The following CSGALNACT1 variants were observed in gnomAD, a reference collection of about 807,000 sequenced individuals.
The protein encoded by CSGALNACT1 is beta4GalNAcT-1.
Under a neutral mutation model 51.0 loss-of-function variants are expected in CSGALNACT1, and 52 were observed. That is an observed-to-expected ratio of 1.02 (90% CI 0.82 to 1.29). The LOEUF (loss-of-function observed/expected upper bound fraction) is 1.29, where lower values mean the gene tolerates loss of function less well. Ranked by LOEUF, CSGALNACT1 falls within the 50% of genes most tolerant of loss-of-function variation. The probability of loss-of-function intolerance (pLI) is 0.00; values close to 1 mark genes in which losing one functional copy is unlikely to be tolerated. For missense variants in CSGALNACT1, 935 were observed against 679.2 expected (o/e 1.38, Z -4.19); for synonymous variants, 341 against 254.4 (o/e 1.34, Z -3.24).
chr8:19,500,221 G>GA (rs2076181325), intron 4 of CSGALNACT1, among the ~76,000 whole-genome samples: 1 of 152,076 alleles, frequency 6.6e-6, no homozygotes, highest in East Asian at 1.9e-4. Flanking sequence ...CCCCGGTTCT[G>GA]CCACCCTTGC....
intron 4 of CSGALNACT1, 108 bp downstream of exon 3, chr8:19,505,093 A>G (rs1414581699): frequency 2.4e-6 from 3 of 1,247,052 alleles, no homozygotes; most frequent in Non-Finnish European, 3.5e-6. Context: ...ACTTTCCGCC[A>G]GCCATCCCAG....
intron 2 of CSGALNACT1, among the ~76,000 whole-genome samples, chr8:19,597,889 G>T (rs1339441594): frequency 6.6e-6 from 1 of 152,222 alleles, no homozygotes; most frequent in Non-Finnish European, 1.5e-5. Flanking sequence ...TGGCCAAAGG[G>T]CAAACATCTA....
chr8:19,641,699 TA>T (rs1346024081), intron 1 of CSGALNACT1: 1 of 152,166 alleles, frequency 6.6e-6, no homozygotes, highest in African/African-American at 2.4e-5. Context: ...AAGACTGCCT[TA>T]AATGCATTTA....
intron 3 of CSGALNACT1, among the ~76,000 whole-genome samples, chr8:19,536,135 T>C (rs2083677905): frequency 6.6e-6 from 1 of 152,172 alleles, no homozygotes; most frequent in Non-Finnish European, 1.5e-5. Context: ...GGATATAAGA[T>C]CAATATATGA....
At chr8:19,527,689 A>G (rs1225177752) in intron 3 of CSGALNACT1, among the ~76,000 whole-genome samples, 1 of 152,164 alleles carries the variant, frequency 6.6e-6, no homozygotes, top group Admixed American at 6.5e-5. Context: ...ACGCATGAGA[A>G]CCACGCAGGC....
intron 3 of CSGALNACT1, among the ~76,000 whole-genome samples, chr8:19,577,524 G>A (rs1014307859): frequency 1.3e-5 from 2 of 150,610 alleles, no homozygotes; most frequent in African/African-American, 4.9e-5. Context: ...TTGCATTACC[G>A]CACTCCAGCC....
At chr8:19,626,354 C>T (rs148437621) in intron 1 of CSGALNACT1, among the ~76,000 whole-genome samples, 1 of 151,894 alleles carries the variant, frequency 6.6e-6, no homozygotes, top group Admixed American at 6.6e-5. Context: ...GAAATGGTGT[C>T]GGAACAACTG....
At chr8:19,518,875 G>A (rs2080082225) in intron 3 of CSGALNACT1, among the ~76,000 whole-genome samples, 1 of 152,180 alleles carries the variant, frequency 6.6e-6, no homozygotes, top group African/African-American at 2.4e-5. Context: ...GAAGGCTAAG[G>A]TGGCTCCATT....
intron 1 of CSGALNACT1, among the ~76,000 whole-genome samples, chr8:19,689,643 G>C (rs1167245066): frequency 6.6e-6 from 1 of 152,154 alleles, no homozygotes; most frequent in African/African-American, 2.4e-5. Context: ...TTTATAGGAG[G>C]CCATTGATTT....
intron 3 of CSGALNACT1, among the ~76,000 whole-genome samples, chr8:19,573,853 G>A (rs140790782): frequency 6.6e-6 from 1 of 152,302 alleles, no homozygotes; most frequent in African/African-American, 2.4e-5. Flanking sequence ...GCAGGTAGAA[G>A]AAAAGGAGTA....
intron 3 of CSGALNACT1, among the ~76,000 whole-genome samples, chr8:19,551,969 A>C (rs2088226500): frequency 6.6e-6 from 1 of 152,174 alleles, no homozygotes; most frequent in Non-Finnish European, 1.5e-5. Context: ...AACTCTCTAA[A>C]ATAGGGTATC....
intron 1 of CSGALNACT1, among the ~76,000 whole-genome samples, chr8:19,657,859 C>A (rs2058419669): frequency 6.6e-6 from 1 of 152,060 alleles, no homozygotes; most frequent in Non-Finnish European, 1.5e-5. Flanking sequence ...GAGGGTCCAA[C>A]AGAGCACCTT....
chr8:19,609,524 G>A (rs2051886547), intron 1 of CSGALNACT1, among the ~76,000 whole-genome samples: 1 of 151,834 alleles, frequency 6.6e-6, no homozygotes, highest in South Asian at 2.1e-4. Flanking sequence ...AAAAAGGAAT[G>A]ATCTATTGAT....
At chr8:19,418,204 C>A (rs2057265801) in intron 8 of CSGALNACT1, among the ~76,000 whole-genome samples, 1 of 152,148 alleles carries the variant, frequency 6.6e-6, no homozygotes, top group African/African-American at 2.4e-5. Flanking sequence ...CTGGGAGTTT[C>A]CACTTCAAAT....
rs146484821 is a variant in CSGALNACT1 at position 19,524,111 on chromosome 8, C to G, written c.-296-17981G>C. ...GAGTTTGAGACAAGCCTGGGCAACA[C>G]AGCAAGACCCCATCTCTAAAACATA... is the stretch of plus-strand genomic sequence containing the variant. On this transcript the variant is annotated intron_variant, in intron 3 of 9. Transcript: ENST00000454498. Among the ~76,000 whole-genome samples, 456 of 152,198 alleles carry G rather than the reference C, an allele frequency of 3.0e-3. 2 individuals are homozygous for G. Among genetic ancestry groups the G allele is most frequent in the African/African-American group, 0.011 (439 of 41,512 alleles).
Position 19,559,396 on chromosome 8 carries a change from T to C in CSGALNACT1, c.-297+31764A>G, listed in dbSNP as rs56742494. ...ACATCATACTTAAATGCTGACAATT[T>C]CCATTTGAAATCAGAAGCAAGACAA... On this transcript the variant is annotated intron_variant, in intron 3 of 9. Transcript: ENST00000454498. 9.3e-3 allele frequency among the ~76,000 whole-genome samples: 1,418 copies of C among 152,262 alleles called. 16 individuals carry two copies. Among genetic ancestry groups the C allele is most frequent in the African/African-American group, 0.032 (1,323 of 41,548 alleles).
chr8:19,664,664 CAT>C (rs1296082774), intron 1 of CSGALNACT1, among the ~76,000 whole-genome samples: 78 of 144,108 alleles, frequency 5.4e-4, no homozygotes, highest in African/African-American at 1.7e-3. Context: ...CACACACACA[CAT>C]ACACACATAC....
chr8:19,602,450 C>T (rs921496702), exon 1 of CSGALNACT1: 1 of 152,582 alleles, frequency 6.6e-6, no homozygotes, highest in African/African-American at 2.4e-5. Flanking sequence ...CCCGAAGCAC[C>T]GCAGGGTTCG....
intron 3 of CSGALNACT1, among the ~76,000 whole-genome samples, chr8:19,552,001 C>G (rs183756346): frequency 2.6e-4 from 39 of 152,242 alleles, no homozygotes; most frequent in African/African-American, 8.4e-4. Context: ...TTAACTAGCA[C>G]TGGATCATAC....
Sources: gnomAD v4.1 joint callset for allele counts (sites outside exome capture counted in the v4.1 genomes callset) on GRCh38, gnomAD v4.1.1 for gene constraint, MANE v1.5 for transcripts, NCBI Gene and HGNC (gene_info 2026-07-23, HGNC 2026-07-21) for gene names.